DMD: variants seen among roughly 807,000 people sequenced by gnomAD.
DMD encodes mutant dystrophin.
Under a neutral mutation model 330.1 loss-of-function variants are expected in DMD, and 63 were observed. The observed-to-expected ratio is 0.19, with a 90% CI of 0.16 to 0.24. The LOEUF (loss-of-function observed/expected upper bound fraction) is 0.24, where lower values mean the gene tolerates loss of function less well. DMD is among the 10% of genes least tolerant of loss of function. The pLI is 1.00. For missense variants in DMD, 3,344 were observed against 2,684.1 expected (o/e 1.25, Z -5.43); for synonymous variants, 1,223 against 959.8 (o/e 1.27, Z -5.07).
chrX:32,508,872 G>A (rs945339209), intron 18 of DMD, among the ~76,000 whole-genome samples: 2 of 109,930 alleles, frequency 1.8e-5, no homozygotes, highest in Non-Finnish European at 3.8e-5. Flanking sequence ...GTGCAGTGGC[G>A]CAATCTTGGC....
At chrX:33,207,752 C>T (rs184211363) in intron 1 of DMD, among the ~76,000 whole-genome samples, 3 of 111,659 alleles carry the variant, frequency 2.7e-5, no homozygotes, top group African/African-American at 9.7e-5. Flanking sequence ...AGATGTTTTA[C>T]GTAGGGAAAA....
chrX:32,581,516 A>G (rs2053652811), intron 13 of DMD, among the ~76,000 whole-genome samples: 1 of 112,163 alleles, frequency 8.9e-6, no homozygotes, highest in African/African-American at 3.2e-5. Context: ...ACTTTATCTA[A>G]ATACATCTGT....
chrX:31,980,485 G>T (rs1218866966), intron 44 of DMD, among the ~76,000 whole-genome samples: 1 of 111,839 alleles, frequency 8.9e-6, no homozygotes, highest in Non-Finnish European at 1.9e-5. Flanking sequence ...AATCTATGGT[G>T]ATATAAATCA....
At chrX:32,400,597 C>G (rs1313462807) in intron 30 of DMD, among the ~76,000 whole-genome samples, 1 of 110,420 alleles carries the variant, frequency 9.1e-6, no homozygotes, top group African/African-American at 3.3e-5. Flanking sequence ...TCATCACTGG[C>G]CATCAGAGAA....
At chrX:33,114,967 G>A (rs762298808) in intron 1 of DMD, among the ~76,000 whole-genome samples, 29 of 111,870 alleles carry the variant, frequency 2.6e-4, no homozygotes, top group Non-Finnish European at 4.5e-4. Context: ...AAACACTTAG[G>A]AAAATTGTTA....
chrX:32,074,617 T>G (rs2147827623), intron 44 of DMD, among the ~76,000 whole-genome samples: 1 of 111,764 alleles, frequency 8.9e-6, no homozygotes, highest in South Asian at 3.7e-4. Context: ...AAAACCATGC[T>G]CATTCAGGTA....
chrX:31,147,525 G>T lies in DMD; in HGVS notation c.10554-7C>A. 1 of 1,143,373 alleles carries T rather than the reference G, an allele frequency of 8.7e-7. No individual in the cohort carries two copies. 94.2% of individuals were successfully genotyped at this position (1,143,373 alleles called of 1,213,427 possible). ...ATATTCTGCTTGCAGATTCCTATTG[G>T]CATCAAAAAAGTAAAAAAGAAAAAA... On this transcript the variant is annotated splice_polypyrimidine_tract_variant and splice_region_variant and intron_variant, in intron 74 of 78. Coordinates refer to ENST00000357033, the MANE Select transcript of DMD (RefSeq NM_004006.3).
intron 64 of DMD, among the ~76,000 whole-genome samples, chrX:31,211,394 C>A (rs186870730): frequency 1.1e-4 from 12 of 112,195 alleles, no homozygotes; most frequent in Non-Finnish European, 2.3e-4. Flanking sequence ...GGATTTCTTC[C>A]AAACACCAAT....
intron 2 of DMD, among the ~76,000 whole-genome samples, chrX:32,973,493 C>T (rs753711117): frequency 1.6e-4 from 18 of 111,866 alleles, no homozygotes; most frequent in Non-Finnish European, 2.8e-4. Context: ...TTTGCTAGAA[C>T]AGCGTTTGCT....
At chrX:32,866,872 T>TAC (rs927002782) in intron 2 of DMD, among the ~76,000 whole-genome samples, 1 of 110,414 alleles carries the variant, frequency 9.1e-6, no homozygotes, top group African/African-American at 3.3e-5. Context: ...TAGCTGGGAT[T>TAC]ACAGGCGCAT....
At chrX:32,784,417 C>G (rs1242461966) in intron 7 of DMD, among the ~76,000 whole-genome samples, 2 of 111,930 alleles carry the variant, frequency 1.8e-5, no homozygotes, top group African/African-American at 6.5e-5. Context: ...TGTGGACTTA[C>G]AATGACTTTT....
At chrX:32,700,565 A>G (rs1290792133) in intron 7 of DMD, among the ~76,000 whole-genome samples, 1 of 111,786 alleles carries the variant, frequency 8.9e-6, no homozygotes, top group Non-Finnish European at 1.9e-5. Context: ...ACTCACCATG[A>G]AACATGCTAA....
chrX:32,087,862 C>T (rs2096450441), intron 44 of DMD, among the ~76,000 whole-genome samples: 1 of 112,569 alleles, frequency 8.9e-6, no homozygotes, highest in East Asian at 2.8e-4. Flanking sequence ...GAGGATTCCA[C>T]CTCTGCTACA....
At chrX:32,237,013 T>A (rs191406511) in intron 43 of DMD, among the ~76,000 whole-genome samples, 51 of 111,955 alleles carry the variant, frequency 4.6e-4, no homozygotes, top group African/African-American at 1.5e-3. Context: ...TATCTGAGCC[T>A]ATGTCTTTTC....
intron 62 of DMD, chrX:31,266,973 G>A: frequency 8.3e-6 from 8 of 959,646 alleles, no homozygotes; most frequent in Non-Finnish European, 1.1e-5. Flanking sequence ...CGGCGCGGGC[G>A]GGCCGGGGAG....
At chrX:33,305,194 T>G (rs1418163917) in intron 1 of DMD, among the ~76,000 whole-genome samples, 1 of 105,305 alleles carries the variant, frequency 9.5e-6, no homozygotes, top group Non-Finnish European at 2.0e-5. Flanking sequence ...TAGACTGGAT[T>G]AAGAAAATGT....
chrX:31,969,792 G>A (rs539566983), intron 44 of DMD, among the ~76,000 whole-genome samples: 37 of 111,686 alleles, frequency 3.3e-4, no homozygotes, highest in East Asian at 8.5e-4. Flanking sequence ...CCGGTGACAC[G>A]GTGCCTCACA....
chrX:31,516,792 T>C (rs755088316), intron 55 of DMD, among the ~76,000 whole-genome samples: 17 of 111,917 alleles, frequency 1.5e-4, no homozygotes, highest in Non-Finnish European at 1.1e-4. Flanking sequence ...AGGGATATGC[T>C]CTCTCAGCAG....
intron 44 of DMD, among the ~76,000 whole-genome samples, chrX:32,118,724 C>T (rs1057457328): frequency 2.8e-5 from 3 of 108,148 alleles, no homozygotes; most frequent in Admixed American, 9.9e-5. Flanking sequence ...CCAACCTTTT[C>T]GGCACCAGAG....
Sources: gnomAD v4.1 joint callset for allele counts (sites outside exome capture counted in the v4.1 genomes callset) on GRCh38, gnomAD v4.1.1 for gene constraint, MANE v1.5 for transcripts, NCBI Gene and HGNC (gene_info 2026-07-23, HGNC 2026-07-21) for gene names.